KCNIP1: variants seen among roughly 807,000 people sequenced by gnomAD.
The protein encoded by KCNIP1 is potassium voltage-gated channel interacting protein 1.
In KCNIP1, 18 loss-of-function variants were observed where a neutral mutation model predicts 33.0. The observed-to-expected ratio is 0.55, with a 90% confidence interval of 0.38 to 0.81. KCNIP1 has a LOEUF of 0.81. Among genes scored for constraint, KCNIP1 ranks in the 30% least tolerant of loss-of-function variants. The probability of loss-of-function intolerance (pLI) is 0.00; values close to 1 mark genes in which losing one functional copy is unlikely to be tolerated. For synonymous variants in KCNIP1, 93 were observed against 98.3 expected (o/e 0.95, Z 0.32); for missense variants, 238 against 271.6 (o/e 0.88, Z 0.87).
intron 7 of KCNIP1, among the ~76,000 whole-genome samples, chr5:170,734,685 C>G (rs1333146501): frequency 6.6e-6 from 1 of 152,194 alleles, no homozygotes; most frequent in Non-Finnish European, 1.5e-5. Flanking sequence ...TGAGCTCCAG[C>G]CAAGAAGAAT....
intron 1 of KCNIP1, among the ~76,000 whole-genome samples, chr5:170,541,922 A>G (rs1756225291): frequency 6.6e-6 from 1 of 152,012 alleles, no homozygotes; most frequent in Non-Finnish European, 1.5e-5. Context: ...AATGCCTGGC[A>G]CATTTTAGAA....
At chr5:170,469,779 C>T (rs796926913) in intron 1 of KCNIP1, among the ~76,000 whole-genome samples, 7 of 152,326 alleles carry the variant, frequency 4.6e-5, no homozygotes, top group African/African-American at 1.7e-4. Flanking sequence ...TATTTCTGGC[C>T]TTTCCATTCT....
intron 1 of KCNIP1, among the ~76,000 whole-genome samples, chr5:170,655,944 A>G (rs897362799): frequency 6.6e-6 from 1 of 152,232 alleles, no homozygotes; most frequent in Non-Finnish European, 1.5e-5. Flanking sequence ...AGCCCTGGAA[A>G]GGCCTTGGGC....
At chr5:170,686,359 G>C (rs1762537622) in intron 1 of KCNIP1, among the ~76,000 whole-genome samples, 1 of 151,856 alleles carries the variant, frequency 6.6e-6, no homozygotes, top group Admixed American at 6.6e-5. Flanking sequence ...TGAGAGAGAG[G>C]GGGAGGGAGG....
At chr5:170,401,534 C>A (rs535882879) in intron 1 of KCNIP1, among the ~76,000 whole-genome samples, 1 of 152,164 alleles carries the variant, frequency 6.6e-6, no homozygotes, top group African/African-American at 2.4e-5. Flanking sequence ...GAAGCCAAGA[C>A]GAGAAGATTG....
intron 1 of KCNIP1, among the ~76,000 whole-genome samples, chr5:170,700,715 G>A (rs1472933813): frequency 7.9e-5 from 12 of 152,142 alleles, no homozygotes; most frequent in Non-Finnish European, 1.2e-4. Context: ...TGTGCCCTGC[G>A]GGACACCTGT....
At chr5:170,560,469 C>T (rs902606965) in intron 1 of KCNIP1, among the ~76,000 whole-genome samples, 1 of 152,004 alleles carries the variant, frequency 6.6e-6, no homozygotes, top group African/African-American at 2.4e-5. Context: ...ACCTCGTGAC[C>T]TTGGGCATCT....
intron 1 of KCNIP1, among the ~76,000 whole-genome samples, chr5:170,395,091 T>C (rs948287662): frequency 2.6e-5 from 4 of 152,254 alleles, no homozygotes; most frequent in African/African-American, 4.8e-5. Flanking sequence ...TAGAATACTT[T>C]ATTTTCCTTT....
At chr5:170,590,299 C>T (rs1000230431) in intron 1 of KCNIP1, among the ~76,000 whole-genome samples, 5 of 152,136 alleles carry the variant, frequency 3.3e-5, no homozygotes, top group Non-Finnish European at 5.9e-5. Flanking sequence ...TCGTCAACCA[C>T]CTTGATATTT....
chr5:170,370,344 ACT>A (rs768088564), intron 1 of KCNIP1, among the ~76,000 whole-genome samples: 1 of 152,208 alleles, frequency 6.6e-6, no homozygotes, highest in Non-Finnish European at 1.5e-5. Context: ...TAAAACAAAC[ACT>A]GTGAGGCTCA....
intron 1 of KCNIP1, among the ~76,000 whole-genome samples, chr5:170,461,265 C>T (rs765897380): frequency 1.6e-4 from 24 of 152,128 alleles, no homozygotes; most frequent in Middle Eastern, 6.8e-3. Context: ...AGTGCAATTC[C>T]ATCAAAATAC....
At chr5:170,700,961 C>T (rs141573937) in intron 1 of KCNIP1, among the ~76,000 whole-genome samples, 4 of 152,274 alleles carry the variant, frequency 2.6e-5, no homozygotes, top group African/African-American at 9.6e-5. Flanking sequence ...ACAATAAACA[C>T]AACAACAAAA....
At chr5:170,676,541 G>A (rs962689919) in intron 1 of KCNIP1, among the ~76,000 whole-genome samples, 4 of 152,130 alleles carry the variant, frequency 2.6e-5, no homozygotes, top group African/African-American at 7.2e-5. Flanking sequence ...GCAATTATTG[G>A]CATTATTTTA....
intron 1 of KCNIP1, among the ~76,000 whole-genome samples, chr5:170,507,519 AC>A (rs1289584640): frequency 3.3e-5 from 5 of 152,176 alleles, no homozygotes; most frequent in African/African-American, 9.6e-5. Flanking sequence ...ATTTCTGGAA[AC>A]CTTATCCAGC....
chr5:170,636,495 C>A (rs770921299), intron 1 of KCNIP1, among the ~76,000 whole-genome samples: 1 of 152,162 alleles, frequency 6.6e-6, no homozygotes, highest in Non-Finnish European at 1.5e-5. Flanking sequence ...CAGCAGTGAT[C>A]TATCCTCAAG....
intron 1 of KCNIP1, among the ~76,000 whole-genome samples, chr5:170,598,115 A>AATCACTCCTAATCAGACCGTGTATTTT (rs1758531163): frequency 1.3e-5 from 2 of 152,080 alleles, no homozygotes; most frequent in South Asian, 4.1e-4. Context: ...CTAGCCCTTC[A>AATCACTCCTAATCAGACCGTGTATTTT]ATCACTCCTA....
At chr5:170,569,314 A>G (rs192778782) in intron 1 of KCNIP1, among the ~76,000 whole-genome samples, 1 of 152,352 alleles carries the variant, frequency 6.6e-6, no homozygotes, top group East Asian at 1.9e-4. Context: ...GCTGTGTGCA[A>G]CAGGAGAGGG....
At chr5:170,470,773 G>A (rs1418762984) in intron 1 of KCNIP1, among the ~76,000 whole-genome samples, 1 of 152,228 alleles carries the variant, frequency 6.6e-6, no homozygotes. Flanking sequence ...AGGAGGTGAA[G>A]TTTTGTCTAA....
At chr5:170,641,243 C>A (rs766360032) in intron 1 of KCNIP1, among the ~76,000 whole-genome samples, 1 of 152,210 alleles carries the variant, frequency 6.6e-6, no homozygotes. Flanking sequence ...CAGACCCCAC[C>A]TCTGTGCCTC....
Sources: allele counts gnomAD v4.1 joint callset (sites outside exome capture counted in the v4.1 genomes callset), GRCh38; gene constraint gnomAD v4.1.1; transcripts MANE v1.5; gene names NCBI Gene and HGNC (gene_info 2026-07-23, HGNC 2026-07-21).